The following DAB1 variants were observed in gnomAD, a reference collection of about 807,000 sequenced individuals.
DAB1 encodes the protein DAB adaptor protein 1.
Under a neutral mutation model 64.6 loss-of-function variants are expected in DAB1, and 15 were observed. The observed-to-expected ratio is 0.23, with a 90% CI of 0.16 to 0.36. DAB1 has a LOEUF of 0.36. Among genes scored for constraint, DAB1 ranks in the 10% least tolerant of loss-of-function variants. The probability of loss-of-function intolerance (pLI) is 1.00; values close to 1 mark genes in which losing one functional copy is unlikely to be tolerated. For synonymous variants in DAB1, 235 were observed against 251.9 expected, an observed-to-expected ratio of 0.93 and a Z score of 0.64; for missense variants, 596 against 706.7, an observed-to-expected ratio of 0.84 and a Z score of 1.78.
At chr1:57,736,501 A>G (rs576091315) in intron 6 of DAB1, among the ~76,000 whole-genome samples, 2 of 152,358 alleles carry the variant, frequency 1.3e-5, no homozygotes, top group South Asian at 4.1e-4. Flanking sequence ...GTCTAGGCTC[A>G]GGTACTTCAC....
chr1:57,784,762 C>A (rs1354946020), intron 6 of DAB1, among the ~76,000 whole-genome samples: 1 of 152,092 alleles, frequency 6.6e-6, no homozygotes. Flanking sequence ...AGCATCTCCA[C>A]AACAAAAGAA....
intron 5 of DAB1, among the ~76,000 whole-genome samples, chr1:57,956,317 G>A (rs1645392876): frequency 6.6e-6 from 1 of 152,130 alleles, no homozygotes; most frequent in South Asian, 2.1e-4. Context: ...TACCACCCCA[G>A]GCTAGAGGGT....
At chr1:58,036,945 C>T (rs551811183) in intron 5 of DAB1, among the ~76,000 whole-genome samples, 1 of 152,302 alleles carries the variant, frequency 6.6e-6, no homozygotes, top group African/African-American at 2.4e-5. Context: ...AGGGATCAAT[C>T]ATTAGTTGAC....
intron 8 of DAB1, among the ~76,000 whole-genome samples, chr1:57,067,535 G>A (rs1651034983): frequency 6.6e-6 from 1 of 152,052 alleles, no homozygotes; most frequent in Admixed American, 6.6e-5. Flanking sequence ...AACAGAGTTG[G>A]CTCACCATCA....
At chr1:57,804,082 T>G (rs60938258) in intron 6 of DAB1, among the ~76,000 whole-genome samples, 2,048 of 152,298 alleles carry the variant, frequency 0.013, 46 homozygotes, top group African/African-American at 0.047. Flanking sequence ...GTGATATGGT[T>G]TGGAATTGTG....
rs1017419871 is a variant in DAB1, at chr1:58,386,659, T to C, written n.258-43256A>G. ...ACTCTTTGAACCTCAGTTTCCGCTT[T>C]TGTAAAGTGAGAAATATGATGTCAG... On this transcript the variant is annotated intron_variant and non_coding_transcript_variant, in intron 3 of 20. Transcript: ENST00000485760. 2.0e-5 allele frequency among the ~76,000 whole-genome samples: 3 copies of C among 152,174 alleles called. No homozygotes were observed. In the East Asian group the frequency reaches 5.8e-4, roughly 29 times the overall value.
intron 5 of DAB1, among the ~76,000 whole-genome samples, chr1:58,084,186 G>T (rs1650165289): frequency 1.3e-5 from 2 of 152,110 alleles, no homozygotes; most frequent in African/African-American, 4.8e-5. Context: ...ATAATTGCTT[G>T]CCCCTCATAG....
chr1:57,191,082 C>A (rs197107), intron 2 of DAB1, among the ~76,000 whole-genome samples: 80,568 of 151,962 alleles, frequency 0.53, 22,022 homozygotes, highest in African/African-American at 0.64. Flanking sequence ...GCACACGTAT[C>A]TATCTGGTGA....
chr1:57,608,021 C>T (rs763152912), intron 7 of DAB1, among the ~76,000 whole-genome samples: 1 of 152,102 alleles, frequency 6.6e-6, no homozygotes, highest in Non-Finnish European at 1.5e-5. Flanking sequence ...GCCCTTTCTT[C>T]TTCCTCTACT....
At chr1:58,205,895 C>T (rs1479899508) in intron 4 of DAB1, among the ~76,000 whole-genome samples, 1 of 152,140 alleles carries the variant, frequency 6.6e-6, no homozygotes, top group African/African-American at 2.4e-5. Flanking sequence ...CTGAGGGAAC[C>T]CAGTTAGTCA....
chr1:57,008,418 GATA>G (rs1279940970), intron 14 of DAB1, among the ~76,000 whole-genome samples: 2 of 152,104 alleles, frequency 1.3e-5, no homozygotes, highest in Admixed American at 6.5e-5. Context: ...ATGTGATGAT[GATA>G]ATGATGATGA....
At chr1:57,085,236 C>A (rs1357888187) in intron 4 of DAB1, among the ~76,000 whole-genome samples, 1 of 152,156 alleles carries the variant, frequency 6.6e-6, no homozygotes, top group Admixed American at 6.5e-5. Flanking sequence ...GCTTCATGCC[C>A]GTTTTACTAC....
intron 1 of DAB1, among the ~76,000 whole-genome samples, chr1:57,400,347 C>T (rs945445968): frequency 6.6e-6 from 1 of 152,114 alleles, no homozygotes; most frequent in East Asian, 1.9e-4. Context: ...ACTCCCAAAA[C>T]CCATTACTGA....
chr1:58,228,669 C>T, intron 4 of DAB1: 1 of 1,081,150 alleles, frequency 9.2e-7, no homozygotes, highest in Non-Finnish European at 1.3e-6. Context: ...GCCAGCCTGG[C>T]TTGGGGTGAG....
intron 10 of DAB1, 45 bp downstream of exon 10, chr1:57,025,934 AAG>A: frequency 4.1e-6 from 6 of 1,474,782 alleles, no homozygotes; most frequent in Non-Finnish European, 5.5e-6. Flanking sequence ...GGGATGTGTA[AAG>A]AAAGGAATTC....
intron 7 of DAB1, among the ~76,000 whole-genome samples, chr1:57,544,811 C>A (rs1179276938): frequency 5.9e-5 from 9 of 152,200 alleles, no homozygotes; most frequent in Admixed American, 1.3e-4. Context: ...ACTTTTCCTT[C>A]CTGCCATCAT....
At chr1:57,519,778 T>C (rs1024348733) in intron 7 of DAB1, among the ~76,000 whole-genome samples, 2 of 152,234 alleles carry the variant, frequency 1.3e-5, no homozygotes, top group Non-Finnish European at 2.9e-5. Context: ...TAATTAACAC[T>C]TAGCTGTTCA....
chr1:57,051,338 A>C (rs956950375), intron 9 of DAB1, among the ~76,000 whole-genome samples: 1 of 152,242 alleles, frequency 6.6e-6, no homozygotes, highest in Non-Finnish European at 1.5e-5. Flanking sequence ...ACAAACGTTC[A>C]GACAAGATTT....
chr1:57,047,875 A>C (rs1277853728), intron 9 of DAB1, among the ~76,000 whole-genome samples: 1 of 152,150 alleles, frequency 6.6e-6, no homozygotes, highest in African/African-American at 2.4e-5. Flanking sequence ...CCTCCAGTAG[A>C]CTAAAACCAT....
Sources: gnomAD v4.1 joint callset for allele counts (sites outside exome capture counted in the v4.1 genomes callset) on GRCh38, gnomAD v4.1.1 for gene constraint, MANE v1.5 for transcripts, NCBI Gene and HGNC (gene_info 2026-07-23, HGNC 2026-07-21) for gene names.